Variants in P2RX4 observed in about 807,000 individuals in gnomAD.
P2RX4 encodes purinergic receptor P2X 4, also known as P2X purinoceptor 4.
P2RX4 carries 37 observed loss-of-function variants against 48.0 expected under a neutral mutation model. The ratio of observed to expected loss-of-function variants is 0.77; its 90% CI spans 0.59 to 1.01. The LOEUF (loss-of-function observed/expected upper bound fraction) is 1.01, where lower values mean the gene tolerates loss of function less well. Ranked by LOEUF, P2RX4 falls within the 50% of genes least tolerant of loss-of-function variation. The pLI is 0.00. For synonymous variants in P2RX4, 200 were observed against 199.7 expected, an observed-to-expected ratio of 1.00 and a Z score of -0.01; for missense variants, 501 against 521.4, an observed-to-expected ratio of 0.96 and a Z score of 0.38.
At chr12:121,230,354 G>T (rs1202920642) in intron 8 of P2RX4, among the ~76,000 whole-genome samples, 2 of 152,354 alleles carry the variant, frequency 1.3e-5, no homozygotes, top group East Asian at 1.9e-4. Context: ...CTGCACTCCA[G>T]CCTGGGCGAC....
Position 121,222,112 on chromosome 12 carries a change from G to A in P2RX4, c.373G>A (p.Val125Met). Residue 125 changes from valine (V) to methionine (M), a missense_variant, in exon 4 of 12, where the codon GTG (valine) becomes ATG (methionine). Physicochemically the swap from Val to Met is conservative, Grantham distance 21. Around this residue, in one of 3 missense-constraint regions of P2RX4, gnomAD observed 295 missense variants for 275.3 expected, o/e 1.07. Transcript: ENST00000337233. ...LCPEIPDATT[V>M]CKSDASCTAG... ...TTTCCAGATTCCAGATGCGACCACTGTGTGTAAATCAGATGCCAGCTGTAC... is the reference window on the plus strand; with the variant it reads ...TTTCCAGATTCCAGATGCGACCACTATGTGTAAATCAGATGCCAGCTGTAC... 2 of 1,612,452 alleles carry A rather than the reference G, an allele frequency of 1.2e-6. No homozygotes were observed. The highest frequency in any genetic ancestry group is 8.5e-7 in the Non-Finnish European group (1 of 1,178,782).
chr12:121,221,455 G>A (rs528194632), intron 2 of P2RX4, among the ~76,000 whole-genome samples: 8 of 147,908 alleles, frequency 5.4e-5, no homozygotes, highest in South Asian at 4.3e-4. Flanking sequence ...GTGCAGTGGC[G>A]CGATGTCGGC....
At chr12:121,225,684 T>G (rs967649549) in intron 5 of P2RX4, among the ~76,000 whole-genome samples, 1 of 152,230 alleles carries the variant, frequency 6.6e-6, no homozygotes, top group African/African-American at 2.4e-5. Flanking sequence ...GTGCTGGGAT[T>G]GCACGCGTGA....
Position 121,232,708 on chromosome 12 carries a change from C to CGG in P2RX4, c.1044+33_1044+34dup. ...GGTTTAGGCCCTGCCTTCACCCTCA[C>CGG]GGTGAGGTGAGACCCTGGGCTGGGG... On this transcript the variant is annotated intron_variant, in intron 10 of 11. Coordinates refer to ENST00000337233, the MANE Select transcript of P2RX4 (RefSeq NM_002560.3). The surrounding 1 kb of genome is among the most constrained non-coding windows in gnomAD (Gnocchi z 4.3). 1.3e-6 allele frequency: 2 copies of CGG among 1,557,456 alleles called. No individual in the cohort carries two copies. Among genetic ancestry groups the CGG allele is most frequent in the Non-Finnish European group, 1.8e-6 (2 of 1,128,314 alleles).
intron 5 of P2RX4, among the ~76,000 whole-genome samples, chr12:121,227,188 C>T (rs1030901175): frequency 1.3e-5 from 2 of 151,998 alleles, no homozygotes; most frequent in Non-Finnish European, 2.9e-5. Flanking sequence ...AGCTCTCCTC[C>T]GAGTGCAGCC....
At chr12:121,228,463 A>G in intron 5 of P2RX4, 70 bp from the exon 6 acceptor site, 1 of 806,456 alleles carries the variant, frequency 1.2e-6, no homozygotes, top group Non-Finnish European at 2.0e-6. Flanking sequence ...GTGTATATAT[A>G]TATATATAAC....
chr12:121,219,644 GATAGATAGATAGATGGAAA>G (rs1238749509), intron 2 of P2RX4, among the ~76,000 whole-genome samples: 10 of 149,758 alleles, frequency 6.7e-5, no homozygotes, highest in African/African-American at 2.5e-4. Flanking sequence ...TAGATAGATA[GATAGATAGATAGATGGAAA>G]GAAAGAAAGA....
intron 1 of P2RX4, chr12:121,216,261 A>T (rs1226127493): frequency 6.6e-6 from 1 of 152,354 alleles, no homozygotes; most frequent in African/African-American, 2.4e-5. Flanking sequence ...GAGGCTTCAG[A>T]TGCTTCTGGC....
rs78320347 is a variant in P2RX4 at position 121,227,417 on chromosome 12, G to A, written c.525-1116G>A. On this transcript the variant is annotated intron_variant, in intron 5 of 11. Coordinates refer to ENST00000337233, the MANE Select transcript of P2RX4 (RefSeq NM_002560.3). ...GACGTGGCACTTCTGAGAAGAGGCCGGCGCACCTGCTGGCGGGTGCTTTGT... is the reference window on the plus strand; with the variant it reads ...GACGTGGCACTTCTGAGAAGAGGCCAGCGCACCTGCTGGCGGGTGCTTTGT... 8.1e-3 allele frequency among the ~76,000 whole-genome samples: 1,228 copies of A among 152,360 alleles called. 7 individuals are homozygous for A. The highest frequency in any genetic ancestry group is 0.014 in the Middle Eastern group (4 of 294).
At chr12:121,223,396 G>T in intron 5 of P2RX4, 1 of 328,160 alleles carries the variant, frequency 3.0e-6, no homozygotes, top group Non-Finnish European at 5.9e-6. Flanking sequence ...ACACCCAGCC[G>T]GAAGCACCTT....
At position 121,210,319 on chromosome 12, in the gene P2RX4, G is replaced by C. The variant is rs766848874; in HGVS notation, c.134+21G>C. 5 of 1,494,974 alleles carry C rather than the reference G, an allele frequency of 3.3e-6. No individual in the cohort carries two copies. The Admixed American group carries it at 1.0e-4, about 31-fold the overall frequency. 92.6% of individuals were successfully genotyped at this position (1,494,974 alleles called of 1,614,324 possible). ...ATCGGGTGAGCGTGGGGCCGCGCGG[G>C]GGGCGCGGCGGGTGCTGCCCTCGCG... On this transcript the variant is annotated intron_variant, in intron 1 of 11. Coordinates refer to ENST00000337233, the MANE Select transcript of P2RX4 (RefSeq NM_002560.3).
rs1886275523 is a variant in P2RX4, at chr12:121,217,115, G to T, written c.135-19G>T. 1.2e-6 allele frequency: 2 copies of T among 1,613,254 alleles called. No homozygotes were observed. The highest frequency in any genetic ancestry group is 1.7e-6 in the Non-Finnish European group (2 of 1,179,184). On this transcript the variant is annotated intron_variant, in intron 1 of 11. Transcript: ENST00000337233. Reference sequence around the variant, plus strand: ...ATTGAATCCTAATGGCAATTTAAGAGGCCTGTTTTATTTTATAGGTGGGTG... The same window carrying T: ...ATTGAATCCTAATGGCAATTTAAGATGCCTGTTTTATTTTATAGGTGGGTG...
chr12:121,221,182 G>GTGTGTGTGTGTGTGTGTA (rs1566003195), intron 2 of P2RX4, among the ~76,000 whole-genome samples: 1 of 139,774 alleles, frequency 7.2e-6, no homozygotes, highest in Non-Finnish European at 1.5e-5. Context: ...GTGTGTGTGT[G>GTGTGTGTGTGTGTGTGTA]TGTGTGTGTG....
At chr12:121,212,005 CA>C (rs1885893400) in intron 1 of P2RX4, among the ~76,000 whole-genome samples, 2 of 152,250 alleles carry the variant, frequency 1.3e-5, no homozygotes, top group Admixed American at 6.5e-5. Context: ...TTAATTGCTG[CA>C]GAGTATGATC....
chr12:121,222,398 G>GT (rs35562888), intron 4 of P2RX4: 30,536 of 399,614 alleles, frequency 0.076, no homozygotes, highest in East Asian at 0.12. Context: ...GTTTTTTCTT[G>GT]TTTTTTTTTT....
intron 1 of P2RX4, 120 bp downstream of exon 1, chr12:121,210,418 C>G: frequency 9.7e-7 from 1 of 1,032,478 alleles, no homozygotes. Flanking sequence ...GAGGCGGTGA[C>G]ACCTTCCCTG....
chr12:121,225,308 A>G (rs12372613), intron 5 of P2RX4, among the ~76,000 whole-genome samples: 17,537 of 152,016 alleles, frequency 0.12, 1,345 homozygotes, highest in Non-Finnish European at 0.16. Context: ...TCCTGACCTC[A>G]GGTTATCCAC....
rs772809953 is a variant in P2RX4 at position 121,210,160 on chromosome 12, C to G, written c.-5C>G. The stretch of plus-strand genomic sequence containing the variant: ...ACTAGGGGACTGGGAGCGGGCGGCG[C>G]GGCCATGGCGGGCTGCTGCGCCGCG... On this transcript the variant is annotated 5_prime_UTR_variant, in exon 1 of 12. Coordinates refer to ENST00000337233, the MANE Select transcript of P2RX4 (RefSeq NM_002560.3). 1 of 1,521,810 alleles carries G rather than the reference C, an allele frequency of 6.6e-7. No homozygotes were observed. Among genetic ancestry groups the G allele is most frequent in the Non-Finnish European group, 8.8e-7 (1 of 1,141,306 alleles). The allele number at this position is 1,521,810 out of a possible 1,614,324, so 94.3% of individuals were successfully genotyped here.
At chr12:121,211,363 C>T (rs1474780346) in intron 1 of P2RX4, among the ~76,000 whole-genome samples, 13 of 152,002 alleles carry the variant, frequency 8.6e-5, no homozygotes, top group African/African-American at 3.1e-4. Context: ...CCACCACGCC[C>T]GGCCAATTTT....
Sources: gnomAD v4.1 joint callset for allele counts (sites outside exome capture counted in the v4.1 genomes callset) on GRCh38, gnomAD v4.1.1 for gene constraint, gnomAD v4.1.1 regional missense constraint, Gnocchi (gnomAD v3.1) non-coding constraint, MANE v1.5 for transcripts, NCBI Gene and HGNC (gene_info 2026-07-23, HGNC 2026-07-21) for gene names.